Variants in EMID1 observed in about 807,000 individuals in gnomAD.
EMID1 encodes EMI domain containing 1, also known as EMI domain-containing protein 1.
A neutral mutation model predicts 60.6 loss-of-function variants in EMID1; 40 were observed. The ratio of observed to expected loss-of-function variants is 0.66; its 90% CI spans 0.51 to 0.86. The LOEUF is 0.86. EMID1 is among the 40% of genes least tolerant of loss of function. The probability of loss-of-function intolerance (pLI) is 0.00; values close to 1 mark genes in which losing one functional copy is unlikely to be tolerated. For synonymous variants in EMID1, 242 were observed against 231.0 expected, an observed-to-expected ratio of 1.05 and a Z score of -0.43; for missense variants, 585 against 597.1, an observed-to-expected ratio of 0.98 and a Z score of 0.21.
chr22:29,252,428 G>A (rs1006911967), intron 13 of EMID1, among the ~76,000 whole-genome samples: 2 of 152,188 alleles, frequency 1.3e-5, no homozygotes, highest in Non-Finnish European at 2.9e-5. Flanking sequence ...TGAGTAAAGG[G>A]CACCAAGAGA....
rs2146302317 is a variant in EMID1 at position 29,232,607 on chromosome 22, A to AG, written c.823+208dup. The AG allele has an allele frequency of 6.9e-6, 4 of 581,760 alleles. No homozygotes were observed. In the South Asian group the frequency reaches 1.1e-4, roughly 16 times the overall value. The allele number at this position is 581,760 out of a possible 1,614,324, so 36.0% of individuals were successfully genotyped here. On this transcript the variant is annotated intron_variant, in intron 8 of 14. Transcript: ENST00000334018. Reference sequence around the variant, plus strand: ...GACCAGAGAGGGAAGGTGGCTTGCCAGGGTCCCACAGCCTGGGCGTAGGGG... The same window carrying AG: ...GACCAGAGAGGGAAGGTGGCTTGCCAGGGGTCCCACAGCCTGGGCGTAGGGG...
At position 29,259,108 on chromosome 22, in the gene EMID1, C is replaced by A; in HGVS notation, c.*164C>A. On this transcript the variant is annotated 3_prime_UTR_variant, in exon 15 of 15. Transcript: ENST00000334018. Reference sequence around the variant, plus strand: ...CAGGTCTCAGTCCTGGCACCATGCACATGTCTGAGGCTGAGCAAGGGCTGA... The same window carrying A: ...CAGGTCTCAGTCCTGGCACCATGCAAATGTCTGAGGCTGAGCAAGGGCTGA... 1 of 1,112,658 alleles carries A rather than the reference C, an allele frequency of 9.0e-7. No individual in the cohort carries two copies. The highest frequency in any genetic ancestry group is 1.2e-6 in the Non-Finnish European group (1 of 802,714). The allele number at this position is 1,112,658 out of a possible 1,614,324, so 68.9% of individuals were successfully genotyped here.
chr22:29,231,547 C>T (rs112034362), intron 6 of EMID1, 46 bp from the exon 7 acceptor site: 2 of 1,541,030 alleles, frequency 1.3e-6, no homozygotes, highest in Non-Finnish European at 1.8e-6. Flanking sequence ...GGGTGGGGGT[C>T]AAGAGCAGAT....
rs149819245 is a variant in EMID1 at position 29,230,904 on chromosome 22, G to A, written c.466-116G>A. 7.6e-4 allele frequency: 1,046 copies of A among 1,379,514 alleles called. 7 individuals are homozygous for A. The African/African-American group carries it at 0.013, about 17-fold the overall frequency. 85.5% of individuals were successfully genotyped at this position (1,379,514 alleles called of 1,614,324 possible). ...CCGGGTGGTTGAGGCTGCATGAGCCGTCATAGTACTACTGCATTCTAGCCT... is the reference window on the plus strand; with the variant it reads ...CCGGGTGGTTGAGGCTGCATGAGCCATCATAGTACTACTGCATTCTAGCCT... On this transcript the variant is annotated intron_variant, in intron 5 of 14. Transcript: ENST00000334018.
At chr22:29,243,356 T>C (rs1457953718) in intron 12 of EMID1, 89 bp from the exon 13 acceptor site, 5 of 1,340,306 alleles carry the variant, frequency 3.7e-6, no homozygotes, top group Non-Finnish European at 2.1e-6. Context: ...TTCTCTCCCT[T>C]TCCCCGCTCT....
At chr22:29,222,722 A>G (rs1241397325) in intron 3 of EMID1, among the ~76,000 whole-genome samples, 1 of 152,112 alleles carries the variant, frequency 6.6e-6, no homozygotes, top group Admixed American at 6.5e-5. Flanking sequence ...CTTTCAAGAC[A>G]GTTGTTTCTG....
chr22:29,250,781 G>C (rs532868130), intron 13 of EMID1, among the ~76,000 whole-genome samples: 2 of 100,814 alleles, frequency 2.0e-5, no homozygotes, highest in Non-Finnish European at 4.0e-5. Context: ...TAGTAGTAGA[G>C]ACAGGGTTTT....
intron 3 of EMID1, 99 bp downstream of exon 3, chr22:29,215,729 G>C (rs1022829584): frequency 1.1e-6 from 1 of 925,562 alleles, no homozygotes; most frequent in African/African-American, 1.6e-5. Context: ...GTCATGCACA[G>C]TACCATGCCT....
intron 12 of EMID1, among the ~76,000 whole-genome samples, chr22:29,239,391 A>G (rs2041074874): frequency 9.0e-6 from 1 of 111,670 alleles, no homozygotes; most frequent in Admixed American, 8.3e-5. Context: ...TCAGCCTCCC[A>G]AAGTGTTGGG....
intron 13 of EMID1, among the ~76,000 whole-genome samples, chr22:29,247,224 G>A (rs1195639915): frequency 6.6e-6 from 1 of 152,170 alleles, no homozygotes; most frequent in East Asian, 1.9e-4. Context: ...ACCCGCCTCA[G>A]CCTCCCAAAG....
chr22:29,214,967 A>G lies in EMID1; in HGVS notation c.143A>G (p.His48Arg). 1 of 1,551,798 alleles carries G rather than the reference A, an allele frequency of 6.4e-7. No individual in the cohort carries two copies. Among genetic ancestry groups the G allele is most frequent in the South Asian group, 1.2e-5 (1 of 83,806 alleles). Reference sequence around the variant, plus strand: ...GTGGTGACCCGCACCATCTCATGCCATGTGCAGAATGGCACCTACCTTCAG... The same window carrying G: ...GTGGTGACCCGCACCATCTCATGCCGTGTGCAGAATGGCACCTACCTTCAG... ...SYVVTRTISC[H>R]VQNGTYLQRV... Residue 48 changes from histidine to arginine, a missense_variant, in exon 2 of 15, where the codon CAT (histidine) becomes CGT (arginine). By Grantham distance (29) the His-to-Arg change is conservative (BLOSUM62 0). Transcript: ENST00000334018.
chr22:29,208,799 G>A (rs1050513669), intron 1 of EMID1, among the ~76,000 whole-genome samples: 6 of 152,234 alleles, frequency 3.9e-5, no homozygotes, highest in Admixed American at 1.3e-4. Flanking sequence ...GGACCAAGCT[G>A]CTGGGTGTGG....
At chr22:29,215,713 A>G (rs1487474007) in intron 3 of EMID1, 83 bp downstream of exon 3, 4 of 1,100,774 alleles carry the variant, frequency 3.6e-6, no homozygotes, top group Non-Finnish European at 5.5e-6. Context: ...GTGAACTATT[A>G]AGAGAGTCAT....
At chr22:29,243,300 GTT>G (rs774836257) in intron 12 of EMID1, 143 bp from the exon 13 acceptor site, 1 of 752,610 alleles carries the variant, frequency 1.3e-6, no homozygotes, top group Non-Finnish European at 2.2e-6. Context: ...CAATCAGTTG[GTT>G]TTTGCTTTGT....
Position 29,233,469 on chromosome 22 carries a change from G to A in EMID1, c.913+1G>A. 1.2e-6 allele frequency: 2 copies of A among 1,614,164 alleles called. No homozygotes were observed. The highest frequency in any genetic ancestry group is 8.5e-7 in the Non-Finnish European group (1 of 1,179,954). On this transcript the variant is annotated splice_donor_variant, in intron 9 of 14. Coordinates refer to ENST00000334018, the MANE Select transcript of EMID1 (RefSeq NM_133455.4). LOFTEE classifies it high-confidence loss of function. The stretch of plus-strand genomic sequence containing the variant: ...CCTCCAGGCCCTCCAGGGCCCATGG[G>A]TAAGTTGAGTCCAGGCCAGGGGTAA...
intron 4 of EMID1, among the ~76,000 whole-genome samples, 169 bp downstream of exon 4, chr22:29,225,385 G>A (rs537548377): frequency 7.2e-5 from 11 of 152,186 alleles, no homozygotes; most frequent in Admixed American, 7.2e-4. Context: ...GTTGCTTCAA[G>A]GGGCACAGAA....
At chr22:29,216,384 T>C (rs2040083377) in intron 3 of EMID1, 1 of 985,422 alleles carries the variant, frequency 1.0e-6, no homozygotes, top group African/African-American at 1.7e-5. Context: ...GCTGAACCCA[T>C]GAGCAGCAGA....
chr22:29,245,649 T>C (rs1025616067), intron 13 of EMID1, among the ~76,000 whole-genome samples: 2 of 152,208 alleles, frequency 1.3e-5, no homozygotes, highest in Admixed American at 1.3e-4. Flanking sequence ...GGCTCCTATG[T>C]ACACTTCACC....
At chr22:29,226,313 G>A in intron 4 of EMID1, 177 bp from the exon 5 acceptor site, 1 of 574,952 alleles carries the variant, frequency 1.7e-6, no homozygotes, top group Non-Finnish European at 2.9e-6. Context: ...AACCCATAGG[G>A]TGAGGTCCCC....
Sources: gnomAD v4.1 joint callset for allele counts (sites outside exome capture counted in the v4.1 genomes callset) on GRCh38, gnomAD v4.1.1 for gene constraint, MANE v1.5 for transcripts, NCBI Gene and HGNC (gene_info 2026-07-23, HGNC 2026-07-21) for gene names.